MAGI1: variants seen among roughly 807,000 people sequenced by gnomAD.
MAGI1 encodes the protein membrane associated guanylate kinase, WW and PDZ domain containing 1.
MAGI1 carries 58 observed loss-of-function variants against 139.9 expected under a neutral mutation model. That is an observed-to-expected ratio of 0.41 (90% confidence interval 0.34 to 0.52). The LOEUF is 0.52. Among genes scored for constraint, MAGI1 ranks in the 20% least tolerant of loss-of-function variants. The pLI is 0.12. For synonymous variants in MAGI1, 812 were observed against 737.9 expected (o/e 1.10, Z -1.63); for missense variants, 1,874 against 1,901.6 (o/e 0.99, Z 0.27).
Position 65,624,392 on chromosome 3 carries a change from T to C in MAGI1, c.314-2304A>G, listed in dbSNP as rs138679213. 7.5e-3 allele frequency among the ~76,000 whole-genome samples: 1,145 copies of C among 152,132 alleles called. 16 individuals are homozygous for C. The highest frequency in any genetic ancestry group is 0.021 in the African/African-American group (860 of 41,522). ...ACCCAAATGTCCATCGAAAGGTGAA[T>C]GAATAAGCAAACTGTGGTATAATCA... On this transcript the variant is annotated intron_variant, in intron 1 of 22. Coordinates refer to ENST00000402939, the MANE Select transcript of MAGI1 (RefSeq NM_001033057.2).
chr3:65,759,032 C>T (rs1413465952), intron 1 of MAGI1, among the ~76,000 whole-genome samples: 2 of 126,048 alleles, frequency 1.6e-5, no homozygotes, highest in African/African-American at 6.1e-5. Context: ...TTCTTTACCA[C>T]AGCCCCAGAA....
At chr3:65,478,840 A>T in intron 3 of MAGI1, 42 bp from the exon 4 acceptor site, 1 of 1,484,530 alleles carries the variant, frequency 6.7e-7, no homozygotes, top group Non-Finnish European at 9.3e-7. Flanking sequence ...CAAAAGGAAT[A>T]CTTTGTGTTT....
At chr3:65,643,591 T>A (rs1385455283) in intron 1 of MAGI1, among the ~76,000 whole-genome samples, 1 of 152,132 alleles carries the variant, frequency 6.6e-6, no homozygotes, top group African/African-American at 2.4e-5. Flanking sequence ...GTTTTCTTTA[T>A]GTCTCATATA....
At chr3:65,565,856 CAAAAA>C (rs766254957) in intron 2 of MAGI1, among the ~76,000 whole-genome samples, 2 of 93,926 alleles carry the variant, frequency 2.1e-5, no homozygotes. Flanking sequence ...GACTCCGTGT[CAAAAA>C]AAAAAAAAAA....
intron 1 of MAGI1, among the ~76,000 whole-genome samples, chr3:65,859,070 C>T (rs541955832): frequency 2.0e-5 from 3 of 152,154 alleles, no homozygotes; most frequent in East Asian, 1.9e-4. Flanking sequence ...TGGTGGCTTA[C>T]GCTTGTAATC....
At chr3:66,007,732 C>T (rs1028412262) in intron 1 of MAGI1, among the ~76,000 whole-genome samples, 2 of 152,088 alleles carry the variant, frequency 1.3e-5, no homozygotes, top group African/African-American at 4.8e-5. Flanking sequence ...CAACAAGGAA[C>T]ATAGCTCATA....
In MAGI1 at chr3:65,356,656, T is replaced by A. The variant is rs1213955796; in HGVS notation, c.4111A>T (p.Arg1371Ter). 6.3e-7 allele frequency: 1 copy of A among 1,583,738 alleles called. No homozygotes were observed. ...TCCAGGAGTCTCTCCAGAGACCGTC[T>A]CCGCCGGCTGGGGGAGCCGTCTCTC... is the stretch of plus-strand genomic sequence containing the variant. ...RRRDGSPSRR[R>*]RSLERLLEQR... The change falls in exon 23 of 23, where the codon AGA becomes TGA. Residue 1371 changes from arginine (R) to a stop codon, truncating the protein, a stop_gained. Transcript: ENST00000402939. LOFTEE classifies it low-confidence loss of function (END_TRUNC).
intron 1 of MAGI1, among the ~76,000 whole-genome samples, chr3:65,822,345 T>C (rs1407911567): frequency 6.6e-6 from 1 of 152,070 alleles, no homozygotes; most frequent in Non-Finnish European, 1.5e-5. Flanking sequence ...CTGGCCAACA[T>C]GGTGCAACCC....
At chr3:66,017,307 GA>G (rs904016140) in intron 1 of MAGI1, among the ~76,000 whole-genome samples, 1 of 152,192 alleles carries the variant, frequency 6.6e-6, no homozygotes, top group Non-Finnish European at 1.5e-5. Flanking sequence ...GAAAAACCGG[GA>G]AGCTCCGCGC....
intron 3 of MAGI1, among the ~76,000 whole-genome samples, chr3:65,489,956 C>CT (rs1377331508): frequency 6.6e-6 from 1 of 152,148 alleles, no homozygotes; most frequent in South Asian, 2.1e-4. Context: ...TTGTGGTAGA[C>CT]TTTTCCTCTC....
At chr3:65,857,096 C>T (rs2059399710) in intron 1 of MAGI1, among the ~76,000 whole-genome samples, 1 of 152,190 alleles carries the variant, frequency 6.6e-6, no homozygotes, top group Admixed American at 6.5e-5. Flanking sequence ...ACAGGCTACA[C>T]CTGGCAGAAA....
At chr3:65,409,353 A>C (rs1353337356) in intron 12 of MAGI1, among the ~76,000 whole-genome samples, 1 of 152,156 alleles carries the variant, frequency 6.6e-6, no homozygotes, top group African/African-American at 2.4e-5. Context: ...CGATATGAAG[A>C]AGGGGGCAGA....
At chr3:66,028,287 G>A (rs2068404898) in intron 1 of MAGI1, among the ~76,000 whole-genome samples, 1 of 152,160 alleles carries the variant, frequency 6.6e-6, no homozygotes, top group East Asian at 1.9e-4. Flanking sequence ...CTGCTTGTAG[G>A]GTAGGTACTT....
At chr3:65,636,177 A>G (rs1169728920) in intron 1 of MAGI1, among the ~76,000 whole-genome samples, 2 of 152,196 alleles carry the variant, frequency 1.3e-5, no homozygotes, top group African/African-American at 4.8e-5. Flanking sequence ...GTGGTTGTGT[A>G]CAAAACAAGT....
intron 5 of MAGI1, among the ~76,000 whole-genome samples, chr3:65,457,519 C>T (rs1486070840): frequency 6.6e-6 from 1 of 152,120 alleles, no homozygotes; most frequent in African/African-American, 2.4e-5. Context: ...TTATAGTTTA[C>T]AGTATATAAG....
rs191220547 is a variant in MAGI1, at chr3:65,822,189, G to C, written c.314-200101C>G. The stretch of plus-strand genomic sequence containing the variant: ...AGATGAGGAAGGTCAGGAAGGAGGG[G>C]AGAAATGAAAAAGGAATTTAATAGA... On this transcript the variant is annotated intron_variant, in intron 1 of 22. Coordinates refer to ENST00000402939, the MANE Select transcript of MAGI1 (RefSeq NM_001033057.2). Among the ~76,000 whole-genome samples, 623 of 152,148 alleles carry C rather than the reference G, an allele frequency of 4.1e-3. 1 individual carries two copies. Among genetic ancestry groups the C allele is most frequent in the Middle Eastern group, 6.8e-3 (2 of 294 alleles).
At chr3:65,509,881 C>A (rs1401148233) in intron 2 of MAGI1, among the ~76,000 whole-genome samples, 1 of 152,150 alleles carries the variant, frequency 6.6e-6, no homozygotes, top group Admixed American at 6.5e-5. Flanking sequence ...ACAGCAGTAA[C>A]CTCTGCAGAC....
intron 2 of MAGI1, among the ~76,000 whole-genome samples, chr3:65,537,594 C>A (rs1213070679): frequency 1.3e-5 from 2 of 152,080 alleles, no homozygotes; most frequent in African/African-American, 4.8e-5. Context: ...AGACTCTGAA[C>A]AAGAGTCTTC....
chr3:65,861,109 A>T (rs9859408), intron 1 of MAGI1, among the ~76,000 whole-genome samples: 39,639 of 151,920 alleles, frequency 0.26, 5,655 homozygotes, highest in East Asian at 0.4. Flanking sequence ...GGGGCCAGGG[A>T]CACACTCAAA....
Sources: gnomAD v4.1 joint callset for allele counts (sites outside exome capture counted in the v4.1 genomes callset) on GRCh38, gnomAD v4.1.1 for gene constraint, MANE v1.5 for transcripts, NCBI Gene and HGNC (gene_info 2026-07-23, HGNC 2026-07-21) for gene names.